Variants in C3orf20 observed in about 807,000 individuals in gnomAD.
The protein encoded by C3orf20 is uncharacterized protein C3orf20.
A neutral mutation model predicts 88.3 loss-of-function variants in C3orf20; 76 were observed. The ratio of observed to expected loss-of-function variants is 0.86; its 90% CI spans 0.72 to 1.04. The LOEUF (loss-of-function observed/expected upper bound fraction) is 1.04, where lower values mean the gene tolerates loss of function less well. Ranked by LOEUF, C3orf20 falls within the 50% of genes least tolerant of loss-of-function variation. The probability of loss-of-function intolerance (pLI) is 0.00; values close to 1 mark genes in which losing one functional copy is unlikely to be tolerated. For synonymous variants in C3orf20, 436 were observed against 437.4 expected (o/e 1.00, Z 0.04); for missense variants, 1,056 against 1,123.3 (o/e 0.94, Z 0.86).
chr3:14,737,847 T>TAA (rs1346388059), intron 12 of C3orf20, among the ~76,000 whole-genome samples: 4 of 152,256 alleles, frequency 2.6e-5, no homozygotes. Context: ...TGTAATGTTC[T>TAA]AAATCTTTTG....
chr3:14,734,972 C>T (rs994004073), intron 12 of C3orf20, among the ~76,000 whole-genome samples: 3 of 151,718 alleles, frequency 2.0e-5, no homozygotes, highest in Non-Finnish European at 4.4e-5. Context: ...TGTATTACAG[C>T]CTGTATTCTC....
At chr3:14,697,466 C>T (rs1346023746) in intron 5 of C3orf20, among the ~76,000 whole-genome samples, 2 of 152,008 alleles carry the variant, frequency 1.3e-5, no homozygotes, top group Non-Finnish European at 2.9e-5. Flanking sequence ...AAGATTCTGA[C>T]TCATTCCTCA....
chr3:14,685,440 C>T (rs559870088), intron 4 of C3orf20, among the ~76,000 whole-genome samples: 1 of 119,246 alleles, frequency 8.4e-6, no homozygotes, highest in Non-Finnish European at 1.8e-5. Flanking sequence ...ACCCAGTGAC[C>T]TCTCTCTCTC....
chr3:14,759,703 A>T (rs910377401), intron 13 of C3orf20, among the ~76,000 whole-genome samples, 188 bp from the exon 14 acceptor site: 1 of 152,162 alleles, frequency 6.6e-6, no homozygotes, highest in African/African-American at 2.4e-5. Context: ...ATCCAGGGAC[A>T]TCCTCAAGGG....
At chr3:14,690,959 G>A (rs1424258096) in intron 5 of C3orf20, among the ~76,000 whole-genome samples, 1 of 152,204 alleles carries the variant, frequency 6.6e-6, no homozygotes, top group African/African-American at 2.4e-5. Context: ...TGTTTGACCC[G>A]CCTTCCTCAG....
chr3:14,760,767 G>A (rs1424134582), intron 14 of C3orf20, among the ~76,000 whole-genome samples: 1 of 151,762 alleles, frequency 6.6e-6, no homozygotes, highest in East Asian at 1.9e-4. Context: ...CCACCATCAT[G>A]CCCGGCTAAT....
chr3:14,762,519 G>A (rs1380006730), intron 15 of C3orf20, among the ~76,000 whole-genome samples: 1 of 152,210 alleles, frequency 6.6e-6, no homozygotes, highest in Non-Finnish European at 1.5e-5. Flanking sequence ...TGAGGTTGGA[G>A]CCCCTGCTCC....
rs2034369340 is a variant in C3orf20 at position 14,726,910 on chromosome 3, A to G, written c.1576A>G (p.Arg526Gly). 6.2e-7 allele frequency: 1 copy of G among 1,614,094 alleles called. No homozygotes were observed. The highest frequency in any genetic ancestry group is 2.2e-5 in the East Asian group (1 of 44,868). The part of the protein sequence containing the change: ...GMAYDKRLNR[R>G]ISNMDDKVYK... ...CTTTGCCCCTCTCCAGCTGAACCGC[A>G]GAATCAGCAACATGGACGACAAGGT... Residue 526 changes from arginine (R) to glycine (G), a missense_variant, in exon 11 of 17, where the codon AGA becomes GGA. By Grantham distance (125) the Arg-to-Gly change is moderately radical. Transcript: ENST00000253697.
intron 5 of C3orf20, among the ~76,000 whole-genome samples, chr3:14,690,717 G>A (rs1028553960): frequency 2.0e-5 from 3 of 152,232 alleles, no homozygotes; most frequent in Non-Finnish European, 4.4e-5. Context: ...GACAGGCTGG[G>A]GCTGCAGACA....
At chr3:14,736,253 T>A (rs1323831676) in intron 12 of C3orf20, among the ~76,000 whole-genome samples, 3 of 152,076 alleles carry the variant, frequency 2.0e-5, no homozygotes, top group African/African-American at 7.2e-5. Context: ...CCTTAAAGTA[T>A]GCTGGAATTT....
intron 5 of C3orf20, 101 bp from the exon 6 acceptor site, chr3:14,703,029 A>G: frequency 7.3e-7 from 1 of 1,370,082 alleles, no homozygotes; most frequent in Non-Finnish European, 1.0e-6. Flanking sequence ...CTCCAAAATG[A>G]TCTCCTTTGA....
At chr3:14,730,384 A>G (rs2034500692) in intron 12 of C3orf20, among the ~76,000 whole-genome samples, 1 of 151,996 alleles carries the variant, frequency 6.6e-6, no homozygotes, top group Non-Finnish European at 1.5e-5. Flanking sequence ...CCTCTCTACT[A>G]AAAATAGAAA....
intron 1 of C3orf20, among the ~76,000 whole-genome samples, chr3:14,681,669 T>C (rs1236257066): frequency 6.6e-6 from 1 of 152,242 alleles, no homozygotes; most frequent in African/African-American, 2.4e-5. Context: ...CAAATCATTT[T>C]TGTGTAGCAT....
chr3:14,738,738 T>TCAAGCGACTCTCCTGCTTC (rs1553615392), intron 12 of C3orf20, among the ~76,000 whole-genome samples: 1 of 143,494 alleles, frequency 7.0e-6, no homozygotes, highest in Non-Finnish European at 1.5e-5. Context: ...GCTCCTGGGT[T>TCAAGCGACTCTCCTGCTTC]CAAGCGACTC....
rs756008436 is a variant in C3orf20 at position 14,713,944 on chromosome 3, TG to T, written c.1161-60del. 2.6e-5 allele frequency: 41 copies of T among 1,582,714 alleles called. 1 individual carries two copies. The highest frequency in any genetic ancestry group is 1.9e-4 in the Middle Eastern group (1 of 5,316). ...ACTTTGACATGTGGACTTGCTTCAA[TG>T]GGACAACTGAGAGCAGAACCAGGGG... On this transcript the variant is annotated intron_variant, in intron 7 of 16. Coordinates refer to ENST00000253697, the MANE Select transcript of C3orf20 (RefSeq NM_032137.5).
intron 12 of C3orf20, 100 bp from the exon 13 acceptor site, chr3:14,757,271 C>G: frequency 9.5e-7 from 1 of 1,057,398 alleles, no homozygotes; most frequent in Non-Finnish European, 1.4e-6. Flanking sequence ...TAAAATCTGC[C>G]TGCAGCAGGG....
At chr3:14,761,737 A>AGGGGGGT in intron 15 of C3orf20, 122 bp downstream of exon 15, 1 of 337,570 alleles carries the variant, frequency 3.0e-6, no homozygotes, top group African/African-American at 2.7e-5. Flanking sequence ...TGGAGTGGGG[A>AGGGGGGT]GGGGGGCTGG....
At chr3:14,712,003 G>T (rs183817309) in intron 7 of C3orf20, among the ~76,000 whole-genome samples, 137 of 151,824 alleles carry the variant, frequency 9.0e-4, no homozygotes, top group African/African-American at 3.2e-3. Flanking sequence ...TGGGTTAAAT[G>T]GTGTCTCTCA....
intron 15 of C3orf20, among the ~76,000 whole-genome samples, chr3:14,763,817 T>A (rs2035625806): frequency 6.6e-6 from 1 of 152,102 alleles, no homozygotes; most frequent in African/African-American, 2.4e-5. Flanking sequence ...TAGCTCACGT[T>A]TACTGAGATT....
Sources: gnomAD v4.1 joint callset for allele counts (sites outside exome capture counted in the v4.1 genomes callset) on GRCh38, gnomAD v4.1.1 for gene constraint, MANE v1.5 for transcripts, NCBI Gene and HGNC (gene_info 2026-07-23, HGNC 2026-07-21) for gene names.